ATP8A2: variants seen among roughly 807,000 people sequenced by gnomAD.
The protein encoded by ATP8A2 is phospholipid-transporting ATPase IB.
A neutral mutation model predicts 165.6 loss-of-function variants in ATP8A2; 100 were observed. That is an observed-to-expected ratio of 0.60 (90% CI 0.51 to 0.71). The LOEUF is 0.71. Among genes scored for constraint, ATP8A2 ranks in the 30% least tolerant of loss-of-function variants. The pLI, the probability that ATP8A2 is intolerant of heterozygous loss-of-function variation, is 0.00. For synonymous variants in ATP8A2, 543 were observed against 548.8 expected, an observed-to-expected ratio of 0.99 and a Z score of 0.15; for missense variants, 1,227 against 1,479.5, an observed-to-expected ratio of 0.83 and a Z score of 2.80.
At chr13:25,908,265 T>A (rs186464481) in intron 33 of ATP8A2, among the ~76,000 whole-genome samples, 3 of 152,294 alleles carry the variant, frequency 2.0e-5, no homozygotes, top group Admixed American at 6.5e-5. Flanking sequence ...CAGCAGTCAT[T>A]GTGTGCAGCT....
intron 2 of ATP8A2, among the ~76,000 whole-genome samples, chr13:25,513,647 T>C (rs943027132): frequency 1.6e-4 from 25 of 152,108 alleles, no homozygotes; most frequent in South Asian, 2.1e-4. Context: ...ATCACGCCAC[T>C]GCACTCCAGC....
At chr13:25,749,870 A>G (rs1222869768) in intron 25 of ATP8A2, among the ~76,000 whole-genome samples, 2 of 152,166 alleles carry the variant, frequency 1.3e-5, no homozygotes, top group Non-Finnish European at 2.9e-5. Context: ...TGTTTTTAAA[A>G]TAATTATTTG....
chr13:25,643,699 C>G (rs771887848), intron 24 of ATP8A2, among the ~76,000 whole-genome samples: 24 of 151,456 alleles, frequency 1.6e-4, no homozygotes, highest in Non-Finnish European at 2.7e-4. Context: ...TGTGATACCT[C>G]CCACTGTGTT....
chr13:25,719,291 A>AAACC (rs111243010), intron 25 of ATP8A2, among the ~76,000 whole-genome samples: 1 of 151,998 alleles, frequency 6.6e-6, no homozygotes, highest in African/African-American at 2.4e-5. Context: ...AGGAGAAAGA[A>AAACC]AAACAATTTG....
At chr13:25,480,517 G>GAT (rs2036150560) in intron 2 of ATP8A2, among the ~76,000 whole-genome samples, 1 of 150,786 alleles carries the variant, frequency 6.6e-6, no homozygotes, top group African/African-American at 2.4e-5. Flanking sequence ...CATCCCAGAC[G>GAT]GGGCGGCGGG....
chr13:25,498,416 C>T (rs746045423), intron 2 of ATP8A2, among the ~76,000 whole-genome samples: 37 of 152,270 alleles, frequency 2.4e-4, no homozygotes, highest in South Asian at 2.1e-4. Context: ...CTACAGAATG[C>T]TTGTTTACAT....
At chr13:25,789,448 CAGTCA>C (rs944445903) in intron 27 of ATP8A2, among the ~76,000 whole-genome samples, 2 of 152,116 alleles carry the variant, frequency 1.3e-5, no homozygotes, top group African/African-American at 2.4e-5. Context: ...ACACCAACAA[CAGTCA>C]AGTCAAGAGT....
chr13:25,663,229 A>G (rs1212247588), intron 24 of ATP8A2, among the ~76,000 whole-genome samples: 3 of 152,268 alleles, frequency 2.0e-5, no homozygotes, highest in Non-Finnish European at 4.4e-5. Context: ...CGTAGGTTTA[A>G]TAAAATTCAG....
chr13:26,012,713 G>A, intron 36 of ATP8A2, 91 bp downstream of exon 36: 1 of 318,274 alleles, frequency 3.1e-6, no homozygotes, highest in Non-Finnish European at 5.1e-6. Flanking sequence ...GCTGATGGGG[G>A]GCCGGGTGAG....
At chr13:25,996,424 C>T (rs1320213415) in intron 35 of ATP8A2, among the ~76,000 whole-genome samples, 1 of 152,138 alleles carries the variant, frequency 6.6e-6, no homozygotes, top group Non-Finnish European at 1.5e-5. Flanking sequence ...AAAAGAAAAG[C>T]TTCTTGTATT....
intron 27 of ATP8A2, among the ~76,000 whole-genome samples, chr13:25,813,484 G>T (rs1204461418): frequency 1.6e-5 from 2 of 125,702 alleles, no homozygotes; most frequent in Non-Finnish European, 3.3e-5. Context: ...ATGATCTGAT[G>T]ATATGATATA....
chr13:26,005,969 C>T (rs1956728628), intron 35 of ATP8A2, among the ~76,000 whole-genome samples: 1 of 151,814 alleles, frequency 6.6e-6, no homozygotes, highest in African/African-American at 2.4e-5. Flanking sequence ...CTTTTTTCAA[C>T]ATTATTTTGG....
At position 26,011,935 on chromosome 13, in the gene ATP8A2, TA is replaced by T. The variant is rs145086037; in HGVS notation, c.3378-589del. Among the ~76,000 whole-genome samples, 20 of 151,980 alleles carry T rather than the reference TA, an allele frequency of 1.3e-4. No individual in the cohort carries two copies. In the East Asian group the frequency reaches 3.7e-3, roughly 28 times the overall value. On this transcript the variant is annotated intron_variant, in intron 35 of 36. Coordinates refer to ENST00000381655, the MANE Select transcript of ATP8A2 (RefSeq NM_016529.6). ...GGACGACAGTGAGACCCCATCTTTT[TA>T]AAAAAATAAAATAGTATAGAAATAG...
chr13:25,570,894 G>T (rs373332493), intron 17 of ATP8A2, 22 bp downstream of exon 17: 5 of 1,554,644 alleles, frequency 3.2e-6, no homozygotes, highest in Non-Finnish European at 4.4e-6. Context: ...GGCCGGATGC[G>T]CCCTGCTGGC....
In ATP8A2 at chr13:25,553,921, G is replaced by T; in HGVS notation, c.1185+1G>T. The T allele has an allele frequency of 6.2e-7, 1 of 1,612,636 alleles. No individual in the cohort carries two copies. The highest frequency in any genetic ancestry group is 8.5e-7 in the Non-Finnish European group (1 of 1,179,386). ...TACTCAAGCCCTTTTCATAAACTGG[G>T]TGAGTATTAAAGCAGAGTTGAATCA... is the stretch of plus-strand genomic sequence containing the variant. On this transcript the variant is annotated splice_donor_variant, in intron 12 of 36. Transcript: ENST00000381655. LOFTEE classifies it high-confidence loss of function.
chr13:25,949,585 C>T (rs1205305009), intron 33 of ATP8A2, among the ~76,000 whole-genome samples: 4 of 152,120 alleles, frequency 2.6e-5, no homozygotes, highest in Non-Finnish European at 4.4e-5. Context: ...GCCAGAGACA[C>T]ACAGGCCCCC....
intron 27 of ATP8A2, among the ~76,000 whole-genome samples, chr13:25,805,626 A>G (rs1023729423): frequency 3.3e-5 from 5 of 152,238 alleles, no homozygotes; most frequent in African/African-American, 1.2e-4. Context: ...AAATCTCTAC[A>G]TGCTTGAAAT....
At chr13:25,937,362 C>CTTTATTTTTTTTTTT in intron 33 of ATP8A2, among the ~76,000 whole-genome samples, 1 of 38,806 alleles carries the variant, frequency 2.6e-5, no homozygotes, top group African/African-American at 6.8e-5. Flanking sequence ...TTCTTTCTTT[C>CTTTATTTTTTTTTTT]TTTTTTTTTT....
intron 24 of ATP8A2, among the ~76,000 whole-genome samples, chr13:25,601,619 G>A (rs2040389495): frequency 1.3e-5 from 2 of 152,084 alleles, no homozygotes; most frequent in African/African-American, 2.4e-5. Flanking sequence ...CGCGCTACAG[G>A]CATGCACCAC....
Sources: allele counts gnomAD v4.1 joint callset (sites outside exome capture counted in the v4.1 genomes callset), GRCh38; gene constraint gnomAD v4.1.1; transcripts MANE v1.5; gene names NCBI Gene and HGNC (gene_info 2026-07-23, HGNC 2026-07-21).